DENND4C: variants seen among roughly 807,000 people sequenced by gnomAD.
DENND4C encodes DENN domain containing 4C, also known as DENN domain-containing protein 4C.
In DENND4C, 108 loss-of-function variants were observed where a neutral mutation model predicts 203.0. That is an observed-to-expected ratio of 0.53 (90% CI 0.46 to 0.62). The LOEUF (loss-of-function observed/expected upper bound fraction) is 0.62. DENND4C is among the 20% of genes least tolerant of loss of function. DENND4C has a pLI of 0.00. For missense variants in DENND4C, 2,481 were observed against 2,301.2 expected, an observed-to-expected ratio of 1.08 and a Z score of -1.60; for synonymous variants, 871 against 792.4, an observed-to-expected ratio of 1.10 and a Z score of -1.67.
rs574117089 is a variant in DENND4C at position 19,300,331 on chromosome 9, T to A, written c.1311T>A (p.Ala437=). The part of the protein sequence containing the change: ...VLTGVAEAVV[A]MIFPFQWQCP... Reference sequence around the variant, plus strand: ...CTGGGGTAGCTGAAGCTGTTGTAGCTGTAAGTATAGAATTTTCCTTTTAGT... The same window carrying A: ...CTGGGGTAGCTGAAGCTGTTGTAGCAGTAAGTATAGAATTTTCCTTTTAGT... Residue 437 remains alanine (A), a splice_region_variant and synonymous_variant, in exon 9 of 33, where the codon GCT becomes GCA. Transcript: ENST00000434457. 4.1e-5 allele frequency: 64 copies of A among 1,570,246 alleles called. 1 individual carries two copies. In the East Asian group the frequency reaches 1.3e-3, roughly 32 times the overall value.
chr9:19,321,402 C>A (rs1175363121), intron 12 of DENND4C, among the ~76,000 whole-genome samples: 1 of 151,782 alleles, frequency 6.6e-6, no homozygotes, highest in Non-Finnish European at 1.5e-5. Context: ...CCTTTAACAA[C>A]CAAGTGAATG....
intron 12 of DENND4C, among the ~76,000 whole-genome samples, chr9:19,323,542 G>A (rs78811070): frequency 0.021 from 3,210 of 152,242 alleles, 120 homozygotes; most frequent in African/African-American, 0.073. Context: ...CCTTGAATCA[G>A]ATGCCTTGGT....
intron 10 of DENND4C, among the ~76,000 whole-genome samples, chr9:19,306,522 T>C (rs1455674584): frequency 6.6e-6 from 1 of 152,128 alleles, no homozygotes; most frequent in Non-Finnish European, 1.5e-5. Flanking sequence ...GTTTGTAGGC[T>C]ACTCTCCCTG....
At chr9:19,312,417 G>A (rs1563791190) in intron 10 of DENND4C, among the ~76,000 whole-genome samples, 1 of 151,938 alleles carries the variant, frequency 6.6e-6, no homozygotes, top group Non-Finnish European at 1.5e-5. Flanking sequence ...ATTATTAAAT[G>A]AAAAAAATCA....
Position 19,300,265 on chromosome 9 carries a change from G to C in DENND4C, c.1245G>C (p.Glu415Asp). ...CACTGCTGCTCTTTGTTTTACTTGA[G>C]AGTAAAATTCTGCTGCATTCTCTTA... The part of the protein sequence containing the change: ...CATLLLFVLL[E>D]SKILLHSLRP... The change falls in exon 9 of 33, where the codon GAG becomes GAC. Residue 415 changes from glutamate to aspartate, a missense_variant. By Grantham distance (45) the Glu-to-Asp change is conservative (BLOSUM62 2). Around this residue, in one of 3 missense-constraint regions of DENND4C, gnomAD observed 2,289 missense variants for 2,113.3 expected, o/e 1.08. Transcript: ENST00000434457. The C allele has an allele frequency of 6.2e-7, 1 of 1,612,448 alleles. No homozygotes were observed. The highest frequency in any genetic ancestry group is 8.5e-7 in the Non-Finnish European group (1 of 1,178,896).
rs537179522 is a variant in DENND4C at position 19,286,775 on chromosome 9, A to G, written c.312A>G (p.Leu104=). The G allele has an allele frequency of 1.8e-5, 22 of 1,232,098 alleles. No individual in the cohort carries two copies. In the South Asian group the frequency reaches 4.9e-4, roughly 28 times the overall value. 76.3% of individuals were successfully genotyped at this position (1,232,098 alleles called of 1,614,324 possible). A position where few individuals can be genotyped will look rare whatever the true frequency, so the allele number is the denominator to read the frequency against. ...TCCCCTTCCTGCCATGCAGAGTTCT[A>G]TATGAAGGGAAAGAACGGCTTATTC... The part of the protein sequence containing the change: ...DKPPLTDIGV[L]YEGKERLIPG... Residue 104 remains leucine, a synonymous_variant, in exon 3 of 33, where the codon CTA becomes CTG. Coordinates refer to ENST00000434457, the MANE Select transcript of DENND4C (RefSeq NM_001330640.2).
At chr9:19,351,149 A>G (rs1313811987) in intron 24 of DENND4C, among the ~76,000 whole-genome samples, 1 of 152,084 alleles carries the variant, frequency 6.6e-6, no homozygotes, top group East Asian at 1.9e-4. Context: ...TTTTAATACT[A>G]GCCGCCTTAT....
chr9:19,325,684 C>T (rs1456634309), intron 13 of DENND4C, among the ~76,000 whole-genome samples: 1 of 152,112 alleles, frequency 6.6e-6, no homozygotes, highest in African/African-American at 2.4e-5. Context: ...AGCCAGATAA[C>T]CTTGTGATTG....
intron 1 of DENND4C, among the ~76,000 whole-genome samples, chr9:19,263,293 G>GC (rs1829793548): frequency 2.6e-5 from 4 of 151,646 alleles, no homozygotes; most frequent in Non-Finnish European, 5.9e-5. Flanking sequence ...ATCCCACAGG[G>GC]TCATGTTGAA....
intron 1 of DENND4C, among the ~76,000 whole-genome samples, chr9:19,237,570 G>T (rs528271097): frequency 5.6e-4 from 85 of 151,962 alleles, no homozygotes; most frequent in Middle Eastern, 3.4e-3. Context: ...TGTTAGCCAG[G>T]ATGGTTACGA....
chr9:19,373,083 G>C lies in DENND4C; in HGVS notation c.*910G>C, dbSNP rs898902904. ...TAATCTTAAAATTACCTGAAAATCT[G>C]ATGACAGCTGCCTTCCCTAACTTTA... On this transcript the variant is annotated 3_prime_UTR_variant, in exon 33 of 33. Coordinates refer to ENST00000434457, the MANE Select transcript of DENND4C (RefSeq NM_001330640.2). 6.6e-6 allele frequency: 1 copy of C among 152,098 alleles called. No individual in the cohort carries two copies. The highest frequency in any genetic ancestry group is 6.6e-5 in the Admixed American group (1 of 15,262). 9.4% of individuals were successfully genotyped at this position (152,098 alleles called of 1,614,324 possible). A position where few individuals can be genotyped will look rare whatever the true frequency, so the allele number is the denominator to read the frequency against.
chr9:19,346,584 T>C lies in DENND4C; in HGVS notation c.3815T>C (p.Leu1272Ser). 1 of 1,614,210 alleles carries C rather than the reference T, an allele frequency of 6.2e-7. No homozygotes were observed. Among genetic ancestry groups the C allele is most frequent in the Admixed American group, 1.7e-5 (1 of 60,030 alleles). Reference sequence around the variant, plus strand: ...AAAACTCCTGATTCTGAAGATAAGTTGTTTTCTCCAGTTATTGCACGTAAT... The same window carrying C: ...AAAACTCCTGATTCTGAAGATAAGTCGTTTTCTCCAGTTATTGCACGTAAT... ...GGKTPDSEDK[L>S]FSPVIARNLA... The change falls in exon 23 of 33, where the codon TTG becomes TCG. Residue 1272 changes from leucine (L) to serine (S), a missense_variant. Leu to Ser is a moderately radical substitution (Grantham distance 145). Coordinates refer to ENST00000434457, the MANE Select transcript of DENND4C (RefSeq NM_001330640.2).
At position 19,351,776 on chromosome 9, in the gene DENND4C, T is replaced by C. The variant is rs573134985; in HGVS notation, c.4496-297T>C. Among the ~76,000 whole-genome samples, 39 of 147,786 alleles carry C rather than the reference T, an allele frequency of 2.6e-4. 1 individual carries two copies. The highest frequency in any genetic ancestry group is 5.9e-4 in the East Asian group (3 of 5,058). On this transcript the variant is annotated intron_variant, in intron 24 of 32. Coordinates refer to ENST00000434457, the MANE Select transcript of DENND4C (RefSeq NM_001330640.2). ...GAGCCGAGATTGTACCACTGCACTC[T>C]AGCCTGGGCAACAGAGCGAGACTCC...
chr9:19,261,632 A>G (rs575279569), intron 1 of DENND4C, among the ~76,000 whole-genome samples: 1 of 150,234 alleles, frequency 6.7e-6, no homozygotes, highest in South Asian at 2.1e-4. Context: ...CCTCCTCAGT[A>G]CCTGAGGACT....
At chr9:19,285,562 T>A (rs1032839334) in intron 2 of DENND4C, among the ~76,000 whole-genome samples, 1 of 147,128 alleles carries the variant, frequency 6.8e-6, no homozygotes, top group Non-Finnish European at 1.5e-5. Flanking sequence ...AATCACTGTA[T>A]GTGGTCTTTG....
intron 23 of DENND4C, among the ~76,000 whole-genome samples, chr9:19,349,389 T>C (rs976368875): frequency 6.6e-6 from 1 of 152,084 alleles, no homozygotes; most frequent in Non-Finnish European, 1.5e-5. Context: ...GCCTGGGTGA[T>C]AGAGACCCTT....
chr9:19,369,919 G>T lies in DENND4C; in HGVS notation c.5607G>T (p.Gln1869His), dbSNP rs772021081. The T allele has an allele frequency of 1.9e-6, 3 of 1,613,882 alleles. No individual in the cohort carries two copies. The East Asian group carries it at 6.7e-5, about 36-fold the overall frequency. Residue 1869 changes from glutamine to histidine, a missense_variant, in exon 31 of 33, where the codon CAG becomes CAT. By Grantham distance (24) the Gln-to-His change is conservative. This residue lies in a region of DENND4C where 2,289 missense variants were observed against 2,113.3 expected (regional missense o/e 1.08). Coordinates refer to ENST00000434457, the MANE Select transcript of DENND4C (RefSeq NM_001330640.2). ...TLVETIRQSI[Q>H]HNNVLKPINL... ...TAGAAACCATCAGGCAGAGTATTCA[G>T]CACAATAATGTTCTTAAACCCATCA...
In DENND4C at chr9:19,346,038, C is replaced by A. The variant is rs560289315; in HGVS notation, c.3269C>A (p.Pro1090His). ...DRGEKRQKHF[P>H]ERSCSFSSES... ...GGAGAAAAAAGACAAAAGCATTTTCCTGAGAGGAGTTGTAGTTTTAGTTCT... is the reference window on the plus strand; with the variant it reads ...GGAGAAAAAAGACAAAAGCATTTTCATGAGAGGAGTTGTAGTTTTAGTTCT... Residue 1090 changes from proline to histidine, a missense_variant, in exon 23 of 33, where the codon CCT becomes CAT. By Grantham distance (77) the Pro-to-His change is moderately conservative. Transcript: ENST00000434457. 47 of 1,613,968 alleles carry A rather than the reference C, an allele frequency of 2.9e-5. No individual in the cohort carries two copies. Among genetic ancestry groups the A allele is most frequent in the Non-Finnish European group, 4.0e-5 (47 of 1,180,044 alleles).
At chr9:19,282,818 G>T (rs1349587055) in intron 2 of DENND4C, among the ~76,000 whole-genome samples, 1 of 147,848 alleles carries the variant, frequency 6.8e-6, no homozygotes, top group Non-Finnish European at 1.5e-5. Context: ...CTGGGTTCAG[G>T]TGATTCTCCT....
Sources: allele counts gnomAD v4.1 joint callset (sites outside exome capture counted in the v4.1 genomes callset), GRCh38; gene constraint gnomAD v4.1.1; regional missense constraint gnomAD v4.1.1; transcripts MANE v1.5; gene names NCBI Gene and HGNC (gene_info 2026-07-23, HGNC 2026-07-21).